VPS13B: variants seen among roughly 807,000 people sequenced by gnomAD.
The protein encoded by VPS13B is vacuolar protein sorting 13 homolog B.
VPS13B carries 285 observed loss-of-function variants against 426.4 expected under a neutral mutation model. That is an observed-to-expected ratio of 0.67 (90% confidence interval 0.61 to 0.74). VPS13B has a LOEUF of 0.74. Among genes scored for constraint, VPS13B ranks in the 30% least tolerant of loss-of-function variants. VPS13B has a pLI of 0.00. For synonymous variants in VPS13B, 1,676 were observed against 1,676.4 expected, an observed-to-expected ratio of 1.00 and a Z score of 0.01; for missense variants, 4,537 against 4,782.6, an observed-to-expected ratio of 0.95 and a Z score of 1.51.
chr8:99,637,524 A>T (rs1829120224), intron 33 of VPS13B, among the ~76,000 whole-genome samples: 1 of 152,116 alleles, frequency 6.6e-6, no homozygotes, highest in Non-Finnish European at 1.5e-5. Context: ...ATTAGTTACC[A>T]TCTGACTTCT....
intron 24 of VPS13B, among the ~76,000 whole-genome samples, chr8:99,472,247 G>A (rs1819450950): frequency 6.6e-6 from 1 of 151,988 alleles, no homozygotes; most frequent in Non-Finnish European, 1.5e-5. Flanking sequence ...AAAATACTAT[G>A]CACTCACCTT....
chr8:99,157,086 G>A (rs1187881719), intron 15 of VPS13B, among the ~76,000 whole-genome samples: 1 of 152,012 alleles, frequency 6.6e-6, no homozygotes, highest in East Asian at 1.9e-4. Context: ...ATGTTTTTTT[G>A]AAGGGAGCAT....
At chr8:99,565,674 A>G (rs998113198) in intron 31 of VPS13B, among the ~76,000 whole-genome samples, 1 of 152,206 alleles carries the variant, frequency 6.6e-6, no homozygotes, top group Non-Finnish European at 1.5e-5. Flanking sequence ...TTGATTAGTG[A>G]TTAATCAAAC....
chr8:99,282,977 C>T (rs1196616107), intron 19 of VPS13B, among the ~76,000 whole-genome samples: 7 of 152,130 alleles, frequency 4.6e-5, no homozygotes, highest in Non-Finnish European at 1.0e-4. Context: ...TTAACTGTTA[C>T]ATTGGGAGGT....
intron 22 of VPS13B, among the ~76,000 whole-genome samples, chr8:99,432,271 C>T: frequency 6.6e-6 from 1 of 151,960 alleles, no homozygotes; most frequent in Non-Finnish European, 1.5e-5. Context: ...CTCTGTGATA[C>T]CAGAGACATC....
intron 54 of VPS13B, among the ~76,000 whole-genome samples, chr8:99,848,021 A>G (rs889253810): frequency 6.6e-6 from 1 of 152,168 alleles, no homozygotes; most frequent in Admixed American, 6.5e-5. Flanking sequence ...CCCTACCCTC[A>G]GGTAATCCTG....
intron 3 of VPS13B, among the ~76,000 whole-genome samples, chr8:99,043,455 A>G (rs1187057146): frequency 6.6e-6 from 1 of 152,162 alleles, no homozygotes; most frequent in Non-Finnish European, 1.5e-5. Flanking sequence ...GTCTGTGTTT[A>G]TCGTCACTGT....
chr8:99,642,918 T>A (rs1317309417), intron 34 of VPS13B, among the ~76,000 whole-genome samples: 1 of 152,214 alleles, frequency 6.6e-6, no homozygotes, highest in African/African-American at 2.4e-5. Flanking sequence ...GATGTAATCA[T>A]CTTCATGCAA....
At chr8:99,693,006 A>G (rs1461973827) in intron 35 of VPS13B, among the ~76,000 whole-genome samples, 3 of 147,448 alleles carry the variant, frequency 2.0e-5, no homozygotes, top group Admixed American at 6.8e-5. Flanking sequence ...AAGAAGTTGA[A>G]TCTCTGAATA....
At chr8:99,369,102 T>G (rs897236623) in intron 19 of VPS13B, among the ~76,000 whole-genome samples, 2 of 152,202 alleles carry the variant, frequency 1.3e-5, no homozygotes, top group Non-Finnish European at 2.9e-5. Context: ...CCCTACCCTT[T>G]CCATAGTTTT....
At chr8:99,182,604 A>C (rs1244921630) in intron 16 of VPS13B, among the ~76,000 whole-genome samples, 1 of 152,216 alleles carries the variant, frequency 6.6e-6, no homozygotes, top group East Asian at 1.9e-4. Flanking sequence ...TGAGTTAAGC[A>C]ATTCTTAAAG....
rs1817667112 is a variant in VPS13B at position 99,875,681 on chromosome 8, G to A, written c.*15G>A. On this transcript the variant is annotated 3_prime_UTR_variant, in exon 62 of 62. Coordinates refer to ENST00000357162, the MANE Select transcript of VPS13B (RefSeq NM_152564.5). ...GGTTTCCTTGAGTCCCCTCTGAGGT[G>A]TTTATTCCTGCTTGTGTGATTTAGT... 1.2e-6 allele frequency: 2 copies of A among 1,613,614 alleles called. No individual in the cohort carries two copies. Among genetic ancestry groups the A allele is most frequent in the African/African-American group, 1.3e-5 (1 of 74,552 alleles).
intron 21 of VPS13B, among the ~76,000 whole-genome samples, chr8:99,404,097 G>C (rs1317572437): frequency 6.6e-6 from 1 of 152,102 alleles, no homozygotes; most frequent in Non-Finnish European, 1.5e-5. Context: ...AACTTCATCT[G>C]TTTCATTACA....
At chr8:99,617,873 T>C (rs953183485) in intron 33 of VPS13B, among the ~76,000 whole-genome samples, 3 of 152,208 alleles carry the variant, frequency 2.0e-5, no homozygotes, top group Non-Finnish European at 4.4e-5. Flanking sequence ...AGAAGAAATG[T>C]GTTGTCCATT....
chr8:99,700,692 C>T (rs559344959), intron 36 of VPS13B, among the ~76,000 whole-genome samples: 1 of 152,228 alleles, frequency 6.6e-6, no homozygotes, highest in Admixed American at 6.5e-5. Flanking sequence ...ACTTCTGTTA[C>T]CATGACTAAA....
intron 43 of VPS13B, among the ~76,000 whole-genome samples, chr8:99,797,535 A>T (rs1317458149): frequency 2.0e-5 from 3 of 152,218 alleles, no homozygotes; most frequent in Non-Finnish European, 4.4e-5. Flanking sequence ...TAATATACAC[A>T]GAAAAGAGGC....
In VPS13B at chr8:99,808,985, AT is replaced by A. The variant is rs1346730386; in HGVS notation, c.7942-387del. On this transcript the variant is annotated intron_variant, in intron 43 of 61. Coordinates refer to ENST00000357162, the MANE Select transcript of VPS13B (RefSeq NM_152564.5). ...ATTAAAAAAAAAACCCACAAACCAA[AT>A]TTAGCTTTCATTACTGTCTAGCCAT... Among the ~76,000 whole-genome samples the A allele has an allele frequency of 2.0e-5, 3 of 152,200 alleles. No homozygotes were observed. In the East Asian group the frequency reaches 5.8e-4, roughly 29 times the overall value.
At chr8:99,641,394 C>T (rs1001603064) in intron 33 of VPS13B, among the ~76,000 whole-genome samples, 1 of 152,114 alleles carries the variant, frequency 6.6e-6, no homozygotes, top group African/African-American at 2.4e-5. Flanking sequence ...GCATAAACTA[C>T]TTCTACGTAA....
chr8:99,867,108 C>T (rs1031321629), intron 58 of VPS13B, among the ~76,000 whole-genome samples: 1 of 152,176 alleles, frequency 6.6e-6, no homozygotes, highest in African/African-American at 2.4e-5. Context: ...TTACAATTGA[C>T]GTGATATGCA....
Sources: gnomAD v4.1 joint callset for allele counts (sites outside exome capture counted in the v4.1 genomes callset) on GRCh38, gnomAD v4.1.1 for gene constraint, MANE v1.5 for transcripts, NCBI Gene and HGNC (gene_info 2026-07-23, HGNC 2026-07-21) for gene names.